The following NAV3 variants were observed in gnomAD, a reference collection of about 807,000 sequenced individuals.
The protein encoded by NAV3 is pore membrane and/or filament interacting like protein 1.
In NAV3, 87 loss-of-function variants were observed where a neutral mutation model predicts 244.7. That is an observed-to-expected ratio of 0.36 (90% CI 0.30 to 0.42). The LOEUF (loss-of-function observed/expected upper bound fraction) is 0.42. Among genes scored for constraint, NAV3 ranks in the 20% least tolerant of loss-of-function variants. The pLI is 1.00. For synonymous variants in NAV3, 1,126 were observed against 1,042.2 expected, an observed-to-expected ratio of 1.08 and a Z score of -1.55; for missense variants, 2,663 against 2,893.3, an observed-to-expected ratio of 0.92 and a Z score of 1.83.
intron 1 of NAV3, among the ~76,000 whole-genome samples, chr12:77,861,638 A>G (rs1185187920): frequency 6.6e-6 from 1 of 151,814 alleles, no homozygotes; most frequent in African/African-American, 2.4e-5. Flanking sequence ...TAGAGTTGCT[A>G]TTACCTTCTG....
Position 77,589,851 on chromosome 12 carries a change from G to A in NAV3, c.72+17585G>A, listed in dbSNP as rs375423878. 9.1e-4 allele frequency among the ~76,000 whole-genome samples: 138 copies of A among 152,324 alleles called. 1 individual carries two copies. Among genetic ancestry groups the A allele is most frequent in the African/African-American group, 2.2e-3 (90 of 41,580 alleles). On this transcript the variant is annotated intron_variant, in intron 2 of 8. Coordinates refer to the NAV3 transcript ENST00000550042. ...AGAGGTGAAGAGAACAGGCTTTGGC[G>A]TTAGCCTGGATTTGGACACCATTTC...
chr12:77,955,072 G>A (rs1891240697), intron 3 of NAV3, among the ~76,000 whole-genome samples: 1 of 152,058 alleles, frequency 6.6e-6, no homozygotes, highest in Admixed American at 6.6e-5. Context: ...CCAGATTTCA[G>A]GATTTGTGCT....
At chr12:77,803,747 G>A (rs984084952) in intron 2 of NAV3, among the ~76,000 whole-genome samples, 1 of 152,192 alleles carries the variant, frequency 6.6e-6, no homozygotes, top group Non-Finnish European at 1.5e-5. Context: ...CCCACCAACA[G>A]TGTAAAAGCG....
At position 78,210,905 on chromosome 12, in the gene NAV3, T is replaced by C. The variant is rs1565811094; in HGVS notation, c.*388T>C. The C allele has an allele frequency of 5.7e-5, 12 of 210,796 alleles. No homozygotes were observed. The highest frequency in any genetic ancestry group is 9.5e-5 in the Non-Finnish European group (10 of 104,798). 13.1% of individuals were successfully genotyped at this position (210,796 alleles called of 1,614,324 possible). ...CCTTTTGTTTCCTCTGAGGGGCTGT[T>C]CGCCCCAGGCAGGGTCCATCTTTCT... On this transcript the variant is annotated 3_prime_UTR_variant, in exon 40 of 40. Transcript: ENST00000397909.
chr12:77,584,991 A>T (rs1009173625), intron 2 of NAV3, among the ~76,000 whole-genome samples: 19 of 152,174 alleles, frequency 1.2e-4, no homozygotes, highest in African/African-American at 3.9e-4. Context: ...CGGATGATAC[A>T]ACTGAAAGTA....
intron 2 of NAV3, among the ~76,000 whole-genome samples, chr12:77,679,665 C>T (rs564857849): frequency 3.9e-5 from 6 of 152,104 alleles, no homozygotes; most frequent in Non-Finnish European, 7.4e-5. Context: ...CTGGGGAGCA[C>T]CAACTAGTGG....
intron 2 of NAV3, among the ~76,000 whole-genome samples, chr12:77,745,182 T>A (rs1402325772): frequency 2.6e-5 from 4 of 152,066 alleles, no homozygotes. Context: ...GGTTTTAATA[T>A]CTGAGTATCA....
intron 12 of NAV3, among the ~76,000 whole-genome samples, chr12:78,100,358 T>C (rs956733887): frequency 1.3e-5 from 2 of 151,856 alleles, no homozygotes; most frequent in Non-Finnish European, 2.9e-5. Context: ...ATGGATTTTT[T>C]CCCCCACACT....
chr12:77,831,774 A>AGTG (rs2136082564), intron 1 of NAV3, 70 bp downstream of exon 1: 1 of 1,493,382 alleles, frequency 6.7e-7, no homozygotes, highest in South Asian at 1.4e-5. Context: ...GCACTATAAA[A>AGTG]CATGTTATGA....
chr12:77,998,800 A>C (rs975277931), intron 7 of NAV3, among the ~76,000 whole-genome samples: 2 of 152,168 alleles, frequency 1.3e-5, no homozygotes, highest in Non-Finnish European at 2.9e-5. Context: ...TGAAATCATA[A>C]AGCCATATTG....
intron 2 of NAV3, among the ~76,000 whole-genome samples, chr12:77,771,511 A>G (rs1870084756): frequency 6.6e-6 from 1 of 152,258 alleles, no homozygotes; most frequent in Non-Finnish European, 1.5e-5. Context: ...CTTGGAACCA[A>G]CCCAAATGTC....
At chr12:77,679,614 G>A (rs11106239) in intron 2 of NAV3, among the ~76,000 whole-genome samples, 22,832 of 152,048 alleles carry the variant, frequency 0.15, 2,482 homozygotes, top group African/African-American at 0.31. Flanking sequence ...GGCCTACTCA[G>A]CAAGGATGCA....
intron 2 of NAV3, among the ~76,000 whole-genome samples, chr12:77,613,681 GGGTAGT>G (rs1267863538): frequency 6.6e-6 from 1 of 152,134 alleles, no homozygotes; most frequent in Non-Finnish European, 1.5e-5. Context: ...GAGGCTGGAA[GGGTAGT>G]GTGTGAAGAA....
intron 2 of NAV3, among the ~76,000 whole-genome samples, chr12:77,705,617 G>A (rs1189812835): frequency 6.6e-6 from 1 of 151,398 alleles, no homozygotes; most frequent in African/African-American, 2.5e-5. Context: ...AAATAAATAT[G>A]ACCATCAGCA....
chr12:78,132,355 AAGTT>A (rs1956200753), intron 18 of NAV3, among the ~76,000 whole-genome samples: 1 of 152,142 alleles, frequency 6.6e-6, no homozygotes, highest in African/African-American at 2.4e-5. Flanking sequence ...CTGAAAGGTT[AAGTT>A]TACCTTTCTA....
intron 2 of NAV3, among the ~76,000 whole-genome samples, chr12:77,803,331 T>C (rs2135977441): frequency 6.6e-6 from 1 of 152,236 alleles, no homozygotes; most frequent in South Asian, 2.1e-4. Flanking sequence ...CCTGTGTCCA[T>C]GTGTTCTCAT....
intron 1 of NAV3, among the ~76,000 whole-genome samples, chr12:77,881,088 T>A (rs933519684): frequency 2.0e-5 from 3 of 152,200 alleles, no homozygotes; most frequent in Non-Finnish European, 4.4e-5. Flanking sequence ...TAGCCCAGCA[T>A]GACTGTGTCT....
At chr12:77,576,163 A>G (rs919898231) in intron 2 of NAV3, among the ~76,000 whole-genome samples, 15 of 152,106 alleles carry the variant, frequency 9.9e-5, no homozygotes, top group Middle Eastern at 3.2e-3. Context: ...CAGAAGTGAC[A>G]TATTCTGGGT....
chr12:77,666,173 T>C (rs1178913075), intron 2 of NAV3, among the ~76,000 whole-genome samples: 1 of 149,020 alleles, frequency 6.7e-6, no homozygotes, highest in African/African-American at 2.5e-5. Flanking sequence ...TAGCAACATG[T>C]TTACAGTTTT....
Sources: allele counts gnomAD v4.1 joint callset (sites outside exome capture counted in the v4.1 genomes callset), GRCh38; gene constraint gnomAD v4.1.1; transcripts MANE v1.5; gene names NCBI Gene and HGNC (gene_info 2026-07-23, HGNC 2026-07-21).